MMEL1: variants seen among roughly 807,000 people sequenced by gnomAD.
MMEL1 encodes the protein membrane metalloendopeptidase like 1.
In MMEL1, 98 loss-of-function variants were observed where a neutral mutation model predicts 117.1. The ratio of observed to expected loss-of-function variants is 0.84; its 90% CI spans 0.71 to 0.99. The LOEUF is 0.99. Ranked by LOEUF, MMEL1 falls within the 50% of genes least tolerant of loss-of-function variation. The probability of loss-of-function intolerance (pLI) is 0.00; values close to 1 mark genes in which losing one functional copy is unlikely to be tolerated. For missense variants in MMEL1, 1,014 were observed against 1,049.1 expected, an observed-to-expected ratio of 0.97 and a Z score of 0.46; for synonymous variants, 390 against 415.1, an observed-to-expected ratio of 0.94 and a Z score of 0.74.
intron 1 of MMEL1, among the ~76,000 whole-genome samples, chr1:2,630,884 CTG>C (rs1309373563): frequency 4.1e-5 from 6 of 146,042 alleles, no homozygotes; most frequent in African/African-American, 1.3e-4. Flanking sequence ...ATGTGTGTGA[CTG>C]TGCATTGTGT....
Position 2,610,209 on chromosome 1 carries a change from T to C in MMEL1, c.293-378A>G, listed in dbSNP as rs187951967. 2.3e-3 allele frequency among the ~76,000 whole-genome samples: 345 copies of C among 152,270 alleles called. 1 individual carries two copies. Among genetic ancestry groups the C allele is most frequent in the African/African-American group, 7.9e-3 (330 of 41,562 alleles). ...ATGTGTGTCTCCTCTCCCGAATGCC[T>C]TTTTAAAAAATTTATTTTAGAACAG... is the stretch of plus-strand genomic sequence containing the variant. On this transcript the variant is annotated intron_variant, in intron 4 of 23. Transcript: ENST00000378412.
At chr1:2,607,525 TG>T (rs1645049559) in intron 6 of MMEL1, among the ~76,000 whole-genome samples, 1 of 152,008 alleles carries the variant, frequency 6.6e-6, no homozygotes. Context: ...GTGTGTGTCC[TG>T]TGTCTCGGCT....
At chr1:2,619,764 T>C (rs551428924) in intron 2 of MMEL1, among the ~76,000 whole-genome samples, 1 of 151,512 alleles carries the variant, frequency 6.6e-6, no homozygotes, top group African/African-American at 2.4e-5. Context: ...GTTGTTGAGA[T>C]TTATAAAACA....
chr1:2,614,004 G>A (rs1379848468), intron 2 of MMEL1, among the ~76,000 whole-genome samples: 3 of 152,208 alleles, frequency 2.0e-5, no homozygotes, highest in Non-Finnish European at 4.4e-5. Flanking sequence ...ATGTTGAAGA[G>A]GTTGAATAGG....
At chr1:2,625,990 C>A (rs1416204543) in intron 2 of MMEL1, among the ~76,000 whole-genome samples, 2 of 152,156 alleles carry the variant, frequency 1.3e-5, no homozygotes, top group Non-Finnish European at 2.9e-5. Flanking sequence ...TATGAAGGCA[C>A]CACCCACAAG....
At chr1:2,606,159 C>T (rs1358117742) in intron 8 of MMEL1, 89 bp downstream of exon 8, 35 of 1,042,680 alleles carry the variant, frequency 3.4e-5, no homozygotes, top group African/African-American at 7.8e-5. Flanking sequence ...AGCTCCCTGT[C>T]GGCCTGGCCC....
chr1:2,609,034 T>TACACACAC lies in MMEL1; in HGVS notation c.535+297_535+304dup, dbSNP rs70956312. Among the ~76,000 whole-genome samples the TACACACAC allele has an allele frequency of 4.3e-3, 616 of 144,748 alleles. 5 individuals carry two copies. The highest frequency in any genetic ancestry group is 0.011 in the South Asian group (48 of 4,398). 95.0% of individuals were successfully genotyped at this position (144,748 alleles called of 152,430 possible). The stretch of plus-strand genomic sequence containing the variant: ...TATACACATACTCATATCCATATAA[T>TACACACAC]ACACACACACACACACACACACACA... On this transcript the variant is annotated intron_variant, in intron 6 of 23. Transcript: ENST00000378412.
intron 11 of MMEL1, among the ~76,000 whole-genome samples, chr1:2,599,356 A>C (rs1644895358): frequency 6.6e-6 from 1 of 152,266 alleles, no homozygotes. Context: ...AATAGAACCT[A>C]GCCATACTTG....
In MMEL1 at chr1:2,592,822, GC is replaced by G. The variant is rs761189357; in HGVS notation, c.2001+10del. On this transcript the variant is annotated intron_variant, in intron 20 of 23. Transcript: ENST00000378412. ...TACCCCCGCAGCCTGGGTGCTGGTG[GC>G]AGCGCTCACGTTCTGTTCGTCTGCC... 1.2e-6 allele frequency: 2 copies of G among 1,613,224 alleles called. No individual in the cohort carries two copies. Among genetic ancestry groups the G allele is most frequent in the South Asian group, 2.2e-5 (2 of 91,052 alleles).
At chr1:2,609,170 C>T (rs1054061372) in intron 6 of MMEL1, among the ~76,000 whole-genome samples, 169 bp downstream of exon 6, 1 of 152,102 alleles carries the variant, frequency 6.6e-6, no homozygotes, top group African/African-American at 2.4e-5. Context: ...CGAGCCTGGA[C>T]CCTGTGGCTG....
At chr1:2,609,987 C>G (rs1297826056) in intron 4 of MMEL1, among the ~76,000 whole-genome samples, 156 bp from the exon 5 acceptor site, 1 of 152,192 alleles carries the variant, frequency 6.6e-6, no homozygotes, top group African/African-American at 2.4e-5. Flanking sequence ...GAGTTAACCA[C>G]CCTCTCTGAG....
At chr1:2,629,576 G>A (rs1638448028) in intron 1 of MMEL1, 55 bp from the exon 2 acceptor site, 2 of 1,362,132 alleles carry the variant, frequency 1.5e-6, no homozygotes, top group Non-Finnish European at 1.9e-6. Context: ...CCCGAGCCCG[G>A]CCCGAGGCTG....
intron 2 of MMEL1, among the ~76,000 whole-genome samples, chr1:2,614,140 T>C (rs1285547241): frequency 2.0e-5 from 3 of 152,242 alleles, no homozygotes; most frequent in African/African-American, 7.2e-5. Flanking sequence ...CAGAATGTTA[T>C]AGCACAAAGA....
At position 2,596,485 on chromosome 1, in the gene MMEL1, G is replaced by A. The variant is rs1644841855; in HGVS notation, c.1401+76C>T. On this transcript the variant is annotated intron_variant, in intron 14 of 23. Transcript: ENST00000378412. ...GGTGCCCCTGAGCCTGGGCGGGGTG[G>A]GAGTCTCAGGGCAGGGAGGCTCGGT... The A allele has an allele frequency of 2.6e-6, 4 of 1,554,542 alleles. No individual in the cohort carries two copies. In the East Asian group the frequency reaches 6.8e-5, roughly 26 times the overall value.
intron 11 of MMEL1, 28 bp from the exon 12 acceptor site, chr1:2,598,818 AGG>A: frequency 6.3e-7 from 1 of 1,587,118 alleles, no homozygotes; most frequent in Non-Finnish European, 8.6e-7. Context: ...GGGGAGAAAG[AGG>A]GAGAGAGAGA....
intron 11 of MMEL1, among the ~76,000 whole-genome samples, chr1:2,600,141 T>A: frequency 6.6e-6 from 1 of 151,936 alleles, no homozygotes. Flanking sequence ...CTAGTTTTTG[T>A]ATTTTTAGTA....
Position 2,612,122 on chromosome 1 carries a change from G to A in MMEL1, c.232+5C>T. The A allele has an allele frequency of 1.3e-6, 2 of 1,574,462 alleles. No individual in the cohort carries two copies. Among genetic ancestry groups the A allele is most frequent in the South Asian group, 1.2e-5 (1 of 86,210 alleles). Reference sequence around the variant, plus strand: ...GGCTGTTTTGGAAGGGAAGGCAAAGGCTACCTCGGGGTTTTCGTTTTACAA... The same window carrying A: ...GGCTGTTTTGGAAGGGAAGGCAAAGACTACCTCGGGGTTTTCGTTTTACAA... On this transcript the variant is annotated splice_donor_5th_base_variant and intron_variant, in intron 3 of 23. Coordinates refer to ENST00000378412, the MANE Select transcript of MMEL1 (RefSeq NM_033467.4). This position sits in a 1 kb window ranked among gnomAD's most constrained non-coding sequence, Gnocchi z 5.4.
At chr1:2,592,096 G>C in intron 21 of MMEL1, 69 bp from the exon 22 acceptor site, 1 of 1,325,434 alleles carries the variant, frequency 7.5e-7, no homozygotes, top group Non-Finnish European at 1.1e-6. Flanking sequence ...AGATCTCAGG[G>C]CAGAGCAGAG....
In MMEL1 at chr1:2,595,257, G is replaced by C; in HGVS notation, c.1584+19C>G. 6.2e-7 allele frequency: 1 copy of C among 1,609,984 alleles called. No homozygotes were observed. The highest frequency in any genetic ancestry group is 1.7e-5 in the Admixed American group (1 of 59,948). On this transcript the variant is annotated intron_variant, in intron 16 of 23. Transcript: ENST00000378412. This position sits in a 1 kb window ranked among gnomAD's most constrained non-coding sequence, Gnocchi z 4.8. Reference sequence around the variant, plus strand: ...TCCACGGTGTGGGGGGCAGTTTAGGGCTGGGGTTGGGGGCGCACATTGGAG... The same window carrying C: ...TCCACGGTGTGGGGGGCAGTTTAGGCCTGGGGTTGGGGGCGCACATTGGAG...
Sources: allele counts gnomAD v4.1 joint callset (sites outside exome capture counted in the v4.1 genomes callset), GRCh38; gene constraint gnomAD v4.1.1; non-coding constraint Gnocchi (gnomAD v3.1); transcripts MANE v1.5; gene names NCBI Gene and HGNC (gene_info 2026-07-23, HGNC 2026-07-21).